PSMD9: variants seen among roughly 807,000 people sequenced by gnomAD.
The protein encoded by PSMD9 is 26S proteasome non-ATPase regulatory subunit 9.
PSMD9 carries 26 observed loss-of-function variants against 25.9 expected under a neutral mutation model. The ratio of observed to expected loss-of-function variants is 1.00; its 90% CI spans 0.73 to 1.39. The LOEUF is 1.39. Ranked by LOEUF, PSMD9 falls within the 40% of genes most tolerant of loss-of-function variation. PSMD9 has a pLI of 0.00. For synonymous variants in PSMD9, 110 were observed against 114.5 expected, an observed-to-expected ratio of 0.96 and a Z score of 0.25; for missense variants, 303 against 299.3, an observed-to-expected ratio of 1.01 and a Z score of -0.09.
intron 1 of PSMD9, among the ~76,000 whole-genome samples, chr12:121,893,509 T>C (rs1049780496): frequency 5.9e-5 from 9 of 152,202 alleles, no homozygotes; most frequent in African/African-American, 2.2e-4. Context: ...AGGAATTTAC[T>C]TTGTCCCAGC....
At chr12:121,896,210 C>T (rs1192056961) in intron 2 of PSMD9, among the ~76,000 whole-genome samples, 1 of 152,140 alleles carries the variant, frequency 6.6e-6, no homozygotes, top group Admixed American at 6.5e-5. Context: ...TGGCTCATGC[C>T]TGTAATCCCA....
intron 2 of PSMD9, among the ~76,000 whole-genome samples, chr12:121,896,706 C>T (rs571765985): frequency 9.2e-5 from 14 of 151,502 alleles, no homozygotes; most frequent in Admixed American, 2.6e-4. Context: ...CATGGTGGCA[C>T]GAACCTGTAA....
intron 2 of PSMD9, among the ~76,000 whole-genome samples, chr12:121,896,198 G>A (rs774072947): frequency 3.9e-5 from 6 of 152,014 alleles, no homozygotes; most frequent in Non-Finnish European, 7.3e-5. Context: ...GGCCGGGTGC[G>A]GTGGCTCATG....
At chr12:121,896,777 C>T (rs969140270) in intron 2 of PSMD9, among the ~76,000 whole-genome samples, 19 of 146,052 alleles carry the variant, frequency 1.3e-4, no homozygotes, top group South Asian at 6.4e-4. Context: ...CGGAGGTTGC[C>T]GTGAGCCGAG....
chr12:121,901,663 C>CTTT (rs1376133221), intron 3 of PSMD9, among the ~76,000 whole-genome samples: 75 of 113,864 alleles, frequency 6.6e-4, no homozygotes, highest in African/African-American at 3.3e-3. Context: ...CCCTTCATTC[C>CTTT]TTCTTTTTTT....
intron 1 of PSMD9, among the ~76,000 whole-genome samples, chr12:121,892,852 A>G (rs1054877028): frequency 1.3e-5 from 2 of 152,198 alleles, no homozygotes; most frequent in African/African-American, 4.8e-5. Flanking sequence ...GATCCTGGGC[A>G]ACAGAAGATC....
chr12:121,894,862 A>G (rs998708468), intron 2 of PSMD9, 21 bp downstream of exon 2: 2 of 1,598,928 alleles, frequency 1.3e-6, no homozygotes, highest in Non-Finnish European at 1.7e-6. Flanking sequence ...CTCTTAGAAG[A>G]CTTTCCCCAC....
intron 4 of PSMD9, among the ~76,000 whole-genome samples, chr12:121,905,647 T>C (rs1042426691): frequency 3.4e-4 from 51 of 151,142 alleles, no homozygotes; most frequent in African/African-American, 1.1e-3. Context: ...CCAGCCTCAG[T>C]CTCCCAAGTA....
chr12:121,915,994 T>C (rs777254418), intron 5 of PSMD9, 50 bp downstream of exon 5: 2 of 1,560,894 alleles, frequency 1.3e-6, no homozygotes, highest in South Asian at 2.3e-5. Context: ...TTTGAGTGTT[T>C]GTTAAACATG....
intron 2 of PSMD9, 125 bp from the exon 3 acceptor site, chr12:121,899,509 C>T: frequency 1.1e-6 from 1 of 889,584 alleles, no homozygotes; most frequent in Non-Finnish European, 1.7e-6. Context: ...GTCAGAGACT[C>T]CTTCTCACCT....
chr12:121,910,083 C>CTTTTT (rs34940246), intron 4 of PSMD9, among the ~76,000 whole-genome samples: 1,677 of 95,460 alleles, frequency 0.018, 17 homozygotes, highest in Middle Eastern at 0.026. Context: ...TAGGAAATGA[C>CTTTTT]TTTTTTTTTT....
chr12:121,906,169 C>G (rs1879548843), intron 4 of PSMD9, among the ~76,000 whole-genome samples: 1 of 151,854 alleles, frequency 6.6e-6, no homozygotes, highest in Non-Finnish European at 1.5e-5. Context: ...CAATTTTAAG[C>G]AAAATGAATC....
intron 1 of PSMD9, 50 bp downstream of exon 1, chr12:121,889,044 C>G: frequency 6.5e-7 from 1 of 1,547,660 alleles, no homozygotes; most frequent in Non-Finnish European, 8.8e-7. Flanking sequence ...GCCCGGAGTC[C>G]CTGGGGTACT....
chr12:121,915,047 G>A (rs1251852165), intron 4 of PSMD9: 1 of 152,000 alleles, frequency 6.6e-6, no homozygotes, highest in South Asian at 2.1e-4. Flanking sequence ...TTATCGGCCG[G>A]GCACGGTGGC....
intron 2 of PSMD9, among the ~76,000 whole-genome samples, chr12:121,897,072 C>T (rs1879256005): frequency 1.3e-5 from 2 of 151,964 alleles, no homozygotes; most frequent in African/African-American, 2.4e-5. Context: ...ACCAAGATTT[C>T]ACTTTTCTCT....
chr12:121,903,596 A>G (rs1417328655), intron 4 of PSMD9, among the ~76,000 whole-genome samples: 1 of 151,988 alleles, frequency 6.6e-6, no homozygotes, highest in African/African-American at 2.4e-5. Flanking sequence ...GGCACCTGCT[A>G]TTCCTTCTGT....
At chr12:121,896,149 G>A (rs1380361979) in intron 2 of PSMD9, among the ~76,000 whole-genome samples, 1 of 152,066 alleles carries the variant, frequency 6.6e-6, no homozygotes, top group Non-Finnish European at 1.5e-5. Context: ...ATCTGTTTGA[G>A]CAATTCCTTA....
At chr12:121,910,309 C>G (rs1226995366) in intron 4 of PSMD9, among the ~76,000 whole-genome samples, 3 of 151,448 alleles carry the variant, frequency 2.0e-5, no homozygotes, top group Non-Finnish European at 4.4e-5. Context: ...TGGTCTCTAT[C>G]TCTTGACCTC....
At chr12:121,890,988 T>G (rs1879054914) in intron 1 of PSMD9, among the ~76,000 whole-genome samples, 1 of 148,290 alleles carries the variant, frequency 6.7e-6, no homozygotes, top group Non-Finnish European at 1.5e-5. Context: ...GGCTCACGCC[T>G]GTAATCCCAG....
Sources: gnomAD v4.1 joint callset for allele counts (sites outside exome capture counted in the v4.1 genomes callset) on GRCh38, gnomAD v4.1.1 for gene constraint, MANE v1.5 for transcripts, NCBI Gene and HGNC (gene_info 2026-07-23, HGNC 2026-07-21) for gene names.